Variants in SLC22A9 observed in about 807,000 individuals in gnomAD.
The protein encoded by SLC22A9 is solute carrier family 22 member 9.
A neutral mutation model predicts 50.1 loss-of-function variants in SLC22A9; 64 were observed. That is an observed-to-expected ratio of 1.28 (90% CI 1.04 to 1.57). SLC22A9 has a LOEUF of 1.57. SLC22A9 is among the 40% of genes most tolerant of loss of function. The probability of loss-of-function intolerance (pLI) is 0.00; values close to 1 mark genes in which losing one functional copy is unlikely to be tolerated. For synonymous variants in SLC22A9, 261 were observed against 242.5 expected, an observed-to-expected ratio of 1.08 and a Z score of -0.71; for missense variants, 757 against 676.1, an observed-to-expected ratio of 1.12 and a Z score of -1.33.
intron 6 of SLC22A9, among the ~76,000 whole-genome samples, chr11:63,384,730 T>C (rs1166088213): frequency 6.6e-6 from 1 of 152,212 alleles, no homozygotes; most frequent in Non-Finnish European, 1.5e-5. Flanking sequence ...TCTTCCACAG[T>C]AGTCAGACTG....
At chr11:63,385,264 C>G (rs1337712223) in intron 6 of SLC22A9, among the ~76,000 whole-genome samples, 1 of 150,934 alleles carries the variant, frequency 6.6e-6, no homozygotes, top group Non-Finnish European at 1.5e-5. Flanking sequence ...TAGGATTGTC[C>G]CAGCTATATG....
intron 6 of SLC22A9, among the ~76,000 whole-genome samples, chr11:63,402,846 T>A (rs1247839211): frequency 6.6e-6 from 1 of 152,112 alleles, no homozygotes; most frequent in Non-Finnish European, 1.5e-5. Context: ...TTTTGGAAAT[T>A]AAGGACACTA....
chr11:63,381,387 T>C (rs1233680387), intron 5 of SLC22A9, among the ~76,000 whole-genome samples: 1 of 152,208 alleles, frequency 6.6e-6, no homozygotes, highest in Non-Finnish European at 1.5e-5. Flanking sequence ...TTATTTCTAA[T>C]GCTTCATTCC....
chr11:63,385,507 A>G (rs554020665), intron 6 of SLC22A9, among the ~76,000 whole-genome samples: 1 of 151,622 alleles, frequency 6.6e-6, no homozygotes, highest in Non-Finnish European at 1.5e-5. Flanking sequence ...GAGGTCCTTC[A>G]TTTTCCTTGT....
intron 6 of SLC22A9, among the ~76,000 whole-genome samples, chr11:63,395,747 G>T (rs1268357932): frequency 6.6e-6 from 1 of 152,130 alleles, no homozygotes; most frequent in Non-Finnish European, 1.5e-5. Flanking sequence ...AGAGAAACCA[G>T]CAGTGAATGG....
At chr11:63,376,572 C>T (rs1453239520) in intron 5 of SLC22A9, among the ~76,000 whole-genome samples, 1 of 151,120 alleles carries the variant, frequency 6.6e-6, no homozygotes, top group Admixed American at 6.6e-5. Context: ...TATCAATGGA[C>T]AGATTTAAAT....
intron 6 of SLC22A9, among the ~76,000 whole-genome samples, chr11:63,393,177 T>C (rs929832323): frequency 6.6e-6 from 1 of 152,182 alleles, no homozygotes; most frequent in Admixed American, 6.5e-5. Context: ...CAGTGTTTTG[T>C]AGCTTTCCTT....
chr11:63,392,557 G>C (rs1227677003), intron 6 of SLC22A9, among the ~76,000 whole-genome samples: 1 of 151,742 alleles, frequency 6.6e-6, no homozygotes, highest in African/African-American at 2.4e-5. Context: ...GTCTCTCCTG[G>C]TCTTTAAAAT....
intron 6 of SLC22A9, among the ~76,000 whole-genome samples, chr11:63,405,123 CAATAATAAT>C (rs753994353): frequency 7.3e-5 from 11 of 151,090 alleles, no homozygotes; most frequent in Admixed American, 7.3e-4. Flanking sequence ...GAAATAATAA[CAATAATAAT>C]AATAATAATA....
At chr11:63,375,813 C>CTTCAA in intron 5 of SLC22A9, 45 bp downstream of exon 5, 1 of 1,600,008 alleles carries the variant, frequency 6.2e-7, no homozygotes, top group Non-Finnish European at 8.5e-7. Flanking sequence ...GAAGACATAA[C>CTTCAA]TTGTCATCAA....
At chr11:63,374,167 C>G in intron 4 of SLC22A9, 105 bp downstream of exon 4, 5 of 1,065,504 alleles carry the variant, frequency 4.7e-6, no homozygotes, top group Non-Finnish European at 6.6e-6. Context: ...AACCTGAGAG[C>G]ACGTCCTCTC....
chr11:63,396,611 G>A (rs928748335), intron 6 of SLC22A9, among the ~76,000 whole-genome samples: 1 of 152,122 alleles, frequency 6.6e-6, no homozygotes, highest in Admixed American at 6.6e-5. Flanking sequence ...CAGGAATCCC[G>A]TTTTGTTTCT....
At position 63,394,938 on chromosome 11, in the gene SLC22A9, T is replaced by A. The variant is rs369101605; in HGVS notation, c.1074-11559T>A. ...TTCATATTTTCTTGTTCTTTTTTCA[T>A]TTATTTATTTTTTTGTCTTTGTTAG... On this transcript the variant is annotated intron_variant, in intron 6 of 9. Transcript: ENST00000279178. Among the ~76,000 whole-genome samples, 5 of 141,094 alleles carry A rather than the reference T, an allele frequency of 3.5e-5. No individual in the cohort carries two copies. In the South Asian group the frequency reaches 1.0e-3, roughly 29 times the overall value. The allele number at this position is 141,094 out of a possible 152,430, so 92.6% of individuals were successfully genotyped here. A position where few individuals can be genotyped will look rare whatever the true frequency, so the allele number is the denominator to read the frequency against.
intron 7 of SLC22A9, 74 bp downstream of exon 7, chr11:63,406,785 T>A: frequency 6.8e-7 from 1 of 1,468,156 alleles, no homozygotes; most frequent in Non-Finnish European, 9.2e-7. Context: ...GTCACACCTA[T>A]CTGAAGCCAA....
chr11:63,377,169 G>A (rs1565182154), intron 5 of SLC22A9, among the ~76,000 whole-genome samples: 1 of 151,920 alleles, frequency 6.6e-6, no homozygotes, highest in African/African-American at 2.4e-5. Context: ...AGATGTTCAG[G>A]AACTAAACTC....
intron 6 of SLC22A9, among the ~76,000 whole-genome samples, chr11:63,386,819 T>C (rs1393201105): frequency 6.6e-6 from 1 of 151,836 alleles, no homozygotes; most frequent in Non-Finnish European, 1.5e-5. Context: ...GTTGTTGTTG[T>C]TGATGATTTT....
chr11:63,409,895 C>T lies in SLC22A9; in HGVS notation c.*33C>T, dbSNP rs767104443. 3.7e-6 allele frequency: 6 copies of T among 1,607,818 alleles called. No individual in the cohort carries two copies. In the South Asian group the frequency reaches 6.6e-5, roughly 18 times the overall value. On this transcript the variant is annotated 3_prime_UTR_variant, in exon 10 of 10. Coordinates refer to ENST00000279178, the MANE Select transcript of SLC22A9 (RefSeq NM_080866.3). ...CAGGAGCTGACTGCCGATCAATGAG[C>T]CAGATGAAGGGAACAATCAGGACTA...
rs2014909200 is a variant in SLC22A9 at position 63,399,033 on chromosome 11, A to C, written c.1074-7464A>C. ...CAGGTATTTTTGCAGGCCTCATATT[A>C]ACCACAAAGCAAATAGTCTCTAATA... is the stretch of plus-strand genomic sequence containing the variant. On this transcript the variant is annotated intron_variant, in intron 6 of 9. Coordinates refer to ENST00000279178, the MANE Select transcript of SLC22A9 (RefSeq NM_080866.3). Among the ~76,000 whole-genome samples, 5 of 152,326 alleles carry C rather than the reference A, an allele frequency of 3.3e-5. No homozygotes were observed. The South Asian group carries it at 1.0e-3, about 32-fold the overall frequency.
At chr11:63,378,990 C>T (rs1349158471) in intron 5 of SLC22A9, among the ~76,000 whole-genome samples, 1 of 152,048 alleles carries the variant, frequency 6.6e-6, no homozygotes. Context: ...CTACCAAAGA[C>T]ATTTTTTATA....
Sources: gnomAD v4.1 joint callset for allele counts (sites outside exome capture counted in the v4.1 genomes callset) on GRCh38, gnomAD v4.1.1 for gene constraint, MANE v1.5 for transcripts, NCBI Gene and HGNC (gene_info 2026-07-23, HGNC 2026-07-21) for gene names.